MPP2: variants seen among roughly 807,000 people sequenced by gnomAD.
The protein encoded by MPP2 is MAGUK p55 scaffold protein 2, also known as MAGUK p55 subfamily member 2.
A neutral mutation model predicts 58.5 loss-of-function variants in MPP2; 42 were observed. The ratio of observed to expected loss-of-function variants is 0.72; its 90% confidence interval spans 0.56 to 0.93. MPP2 has a LOEUF of 0.93. MPP2 is among the 40% of genes least tolerant of loss of function. The pLI, the probability that MPP2 is intolerant of heterozygous loss-of-function variation, is 0.00. For synonymous variants in MPP2, 300 were observed against 307.8 expected (o/e 0.97, Z 0.26); for missense variants, 632 against 760.4 (o/e 0.83, Z 1.99).
At chr17:43,883,448 C>A in intron 3 of MPP2, 93 bp from the exon 4 acceptor site, 2 of 1,389,558 alleles carry the variant, frequency 1.4e-6, no homozygotes, top group South Asian at 1.4e-5. Context: ...AGGCATTTTC[C>A]CCATCCCACC....
chr17:43,906,764 T>G (rs1292039875), intron 1 of MPP2, among the ~76,000 whole-genome samples: 1 of 151,910 alleles, frequency 6.6e-6, no homozygotes, highest in East Asian at 1.9e-4. Context: ...TTGTGAGCCA[T>G]CAAAGAAGGC....
At position 43,882,281 on chromosome 17, in the gene MPP2, C is replaced by A. The variant is rs749439899; in HGVS notation, c.681+3G>T. The A allele has an allele frequency of 2.1e-5, 33 of 1,608,196 alleles. No homozygotes were observed. In the Admixed American group the frequency reaches 3.3e-4, roughly 16 times the overall value. On this transcript the variant is annotated splice_donor_region_variant and intron_variant, in intron 6 of 12. Coordinates refer to ENST00000269095, the MANE Select transcript of MPP2 (RefSeq NM_005374.5). ...TGGGCCTTGTGCTGGGTGAGGGGCC[C>A]ACCTGGCGGGGCAGATGGGGCTCCT...
intron 1 of MPP2, among the ~76,000 whole-genome samples, chr17:43,906,776 C>T (rs1160995286): frequency 1.3e-5 from 2 of 152,124 alleles, no homozygotes; most frequent in African/African-American, 2.4e-5. Flanking sequence ...AAAGAAGGCT[C>T]TCTACGTGCG....
At chr17:43,883,108 A>G (rs991899153) in intron 4 of MPP2, 56 bp from the exon 5 acceptor site, 5 of 1,564,782 alleles carry the variant, frequency 3.2e-6, no homozygotes, top group Non-Finnish European at 4.3e-6. Flanking sequence ...GTCTCTTCCC[A>G]TCCCAGATCC....
intron 3 of MPP2, among the ~76,000 whole-genome samples, chr17:43,888,266 G>A (rs1290838243): frequency 3.9e-5 from 6 of 152,256 alleles, no homozygotes; most frequent in Middle Eastern, 3.4e-3. Flanking sequence ...ATCCTCTGCC[G>A]GGTGGGCAGC....
At chr17:43,882,780 C>T in intron 5 of MPP2, 123 bp downstream of exon 5, 1 of 1,428,356 alleles carries the variant, frequency 7.0e-7, no homozygotes, top group Non-Finnish European at 9.7e-7. Context: ...ATCAATCCTT[C>T]CCTGCACAAA....
Position 43,879,657 on chromosome 17 carries a change from CAGT to C in MPP2, c.1353+122_1353+124del, listed in dbSNP as rs2047011067. ...GGTTCCAGGTGGGCTGGGTTTCTAG[CAGT>C]AGTTGAGGGCAAAGGGGGTACATGG... is the stretch of plus-strand genomic sequence containing the variant. On this transcript the variant is annotated intron_variant, in intron 11 of 12. Coordinates refer to ENST00000269095, the MANE Select transcript of MPP2 (RefSeq NM_005374.5). This position sits in a 1 kb window ranked among gnomAD's most constrained non-coding sequence, Gnocchi z 4.1. 53 of 1,182,398 alleles carry C rather than the reference CAGT, an allele frequency of 4.5e-5. No individual in the cohort carries two copies. The South Asian group carries it at 7.6e-4, about 17-fold the overall frequency. The allele number at this position is 1,182,398 out of a possible 1,614,324, so 73.2% of individuals were successfully genotyped here. A position where few individuals can be genotyped will look rare whatever the true frequency, so the allele number is the denominator to read the frequency against.
At chr17:43,878,804 T>C (rs962681566) in intron 12 of MPP2, among the ~76,000 whole-genome samples, 1 of 152,216 alleles carries the variant, frequency 6.6e-6, no homozygotes, top group Admixed American at 6.5e-5. Context: ...GCTGGAGTTC[T>C]GCAATGAGGC....
At chr17:43,909,575 AT>A, upstream of MPP2, 1 of 1,473,966 alleles carries the variant, frequency 6.8e-7, no homozygotes, top group Non-Finnish European at 9.0e-7. Context: ...CTTCCATTCC[AT>A]TTAGGATCCT....
At chr17:43,888,234 T>C (rs2047452523) in intron 3 of MPP2, among the ~76,000 whole-genome samples, 1 of 152,154 alleles carries the variant, frequency 6.6e-6, no homozygotes, top group Non-Finnish European at 1.5e-5. Context: ...GCACCCCACA[T>C]GGCCCCACAG....
In MPP2 at chr17:43,904,499, G is replaced by A. The variant is rs1324471019; in HGVS notation, c.-33-6C>T. The A allele has an allele frequency of 6.2e-7, 1 of 1,613,274 alleles. No homozygotes were observed. Among genetic ancestry groups the A allele is most frequent in the Non-Finnish European group, 8.5e-7 (1 of 1,179,300 alleles). Reference sequence around the variant, plus strand: ...AGGGCTCTGAAACGTCTCTCCTGGAGAGGGGAGAGAGGAGGATGAGCAGAT... The same window carrying A: ...AGGGCTCTGAAACGTCTCTCCTGGAAAGGGGAGAGAGGAGGATGAGCAGAT... On this transcript the variant is annotated splice_polypyrimidine_tract_variant and splice_region_variant and intron_variant, in intron 1 of 12. Coordinates refer to ENST00000269095, the MANE Select transcript of MPP2 (RefSeq NM_005374.5).
chr17:43,880,679 G>A lies in MPP2; in HGVS notation c.1150+12C>T. The A allele has an allele frequency of 6.3e-7, 1 of 1,597,588 alleles. No individual in the cohort carries two copies. Reference sequence around the variant, plus strand: ...CTTGTCCCCAACTCAGCAGGGCCCAGCTCCCACTCACAGGGCACCGTGGTG... The same window carrying A: ...CTTGTCCCCAACTCAGCAGGGCCCAACTCCCACTCACAGGGCACCGTGGTG... On this transcript the variant is annotated intron_variant, in intron 10 of 12. Transcript: ENST00000269095. This position sits in a 1 kb window ranked among gnomAD's most constrained non-coding sequence, Gnocchi z 5.2.
intron 2 of MPP2, among the ~76,000 whole-genome samples, chr17:43,904,206 T>G (rs1332119676): frequency 1.3e-5 from 2 of 152,170 alleles, no homozygotes; most frequent in Non-Finnish European, 2.9e-5. Flanking sequence ...AGCCCTACAC[T>G]GGAGCAGGTA....
intron 2 of MPP2, among the ~76,000 whole-genome samples, chr17:43,899,291 C>A (rs578214305): frequency 6.6e-6 from 1 of 152,296 alleles, no homozygotes; most frequent in South Asian, 2.1e-4. Flanking sequence ...AAGCTCCTCA[C>A]TCAACCTCTA....
chr17:43,892,670 A>G (rs1417400252), intron 3 of MPP2, among the ~76,000 whole-genome samples: 3 of 152,110 alleles, frequency 2.0e-5, no homozygotes, highest in Non-Finnish European at 1.5e-5. Flanking sequence ...GGGGTCTCAG[A>G]GGGGAAGAAA....
chr17:43,900,426 T>A, intron 2 of MPP2: 1 of 1,542,854 alleles, frequency 6.5e-7, no homozygotes, highest in Non-Finnish European at 8.8e-7. Flanking sequence ...GAAGGTAGGC[T>A]AAGGGGCCAG....
upstream of MPP2, chr17:43,907,862 C>A: frequency 2.0e-6 from 2 of 985,442 alleles, no homozygotes; most frequent in Non-Finnish European, 2.4e-6. Context: ...TCCGCCCACC[C>A]ATCTTGGCTT....
chr17:43,906,227 G>C lies in MPP2; in HGVS notation c.-34+1247C>G, dbSNP rs913733727. On this transcript the variant is annotated intron_variant, in intron 1 of 12. Transcript: ENST00000269095. ...TGCGCTCGGAAGTCTTGCCCAGCCT[G>C]CCTGGGTTTTCTCCCGGGGAATCGG... The C allele has an allele frequency of 7.4e-6, 6 of 805,550 alleles. No homozygotes were observed. In the African/African-American group the frequency reaches 1.1e-4, roughly 15 times the overall value. The allele number at this position is 805,550 out of a possible 1,614,324, so 49.9% of individuals were successfully genotyped here.
At chr17:43,891,737 A>G (rs1371895006) in intron 3 of MPP2, among the ~76,000 whole-genome samples, 1 of 152,222 alleles carries the variant, frequency 6.6e-6, no homozygotes. Context: ...CTTTCTTTTA[A>G]AATAAATACA....
Sources: allele counts gnomAD v4.1 joint callset (sites outside exome capture counted in the v4.1 genomes callset), GRCh38; gene constraint gnomAD v4.1.1; non-coding constraint Gnocchi (gnomAD v3.1); transcripts MANE v1.5; gene names NCBI Gene and HGNC (gene_info 2026-07-23, HGNC 2026-07-21).